The following CNTNAP5 variants were observed in gnomAD, a reference collection of about 807,000 sequenced individuals.
The protein encoded by CNTNAP5 is contactin associated protein family member 5.
A neutral mutation model predicts 150.2 loss-of-function variants in CNTNAP5; 72 were observed. The ratio of observed to expected loss-of-function variants is 0.48; its 90% confidence interval spans 0.40 to 0.58. The LOEUF is 0.58. Among genes scored for constraint, CNTNAP5 ranks in the 20% least tolerant of loss-of-function variants. CNTNAP5 has a pLI of 0.00. For synonymous variants in CNTNAP5, 672 were observed against 619.8 expected (o/e 1.08, Z -1.25); for missense variants, 1,636 against 1,626.2 (o/e 1.01, Z -0.10).
intron 3 of CNTNAP5, among the ~76,000 whole-genome samples, chr2:124,267,479 T>C (rs1259348619): frequency 6.6e-6 from 1 of 152,134 alleles, no homozygotes; most frequent in Non-Finnish European, 1.5e-5. Flanking sequence ...CTTTGGGATA[T>C]TGCACGTCTC....
intron 3 of CNTNAP5, among the ~76,000 whole-genome samples, chr2:124,336,255 C>T (rs1200984823): frequency 6.6e-6 from 1 of 152,144 alleles, no homozygotes; most frequent in Non-Finnish European, 1.5e-5. Flanking sequence ...AGTCTTCCCT[C>T]CCTAAAGGGG....
At chr2:124,826,491 C>T (rs559550898) in intron 19 of CNTNAP5, among the ~76,000 whole-genome samples, 2 of 152,272 alleles carry the variant, frequency 1.3e-5, no homozygotes, top group East Asian at 3.9e-4. Flanking sequence ...CCCCTGATCA[C>T]TTTATTCTGG....
intron 17 of CNTNAP5, among the ~76,000 whole-genome samples, chr2:124,787,629 C>G (rs979954230): frequency 2.0e-5 from 3 of 152,164 alleles, no homozygotes; most frequent in African/African-American, 7.2e-5. Context: ...CTTCTCTCCC[C>G]ACTCTCCCCT....
chr2:124,714,230 TC>T (rs1679899291), intron 13 of CNTNAP5, among the ~76,000 whole-genome samples: 1 of 152,018 alleles, frequency 6.6e-6, no homozygotes, highest in Non-Finnish European at 1.5e-5. Context: ...TTTTTTCACC[TC>T]TATCTGCTCA....
chr2:124,917,883 A>C lies in CNTNAP5; in HGVS notation c.*3595A>C, dbSNP rs969308137. On this transcript the variant is annotated 3_prime_UTR_variant, in exon 24 of 24. Transcript: ENST00000682447. The stretch of plus-strand genomic sequence containing the variant: ...AGGTCCCGCACAATTATTTTTGTGA[A>C]GCATCTGCCAGACTGAAAGAAATGT... Among the ~76,000 whole-genome samples, 6 of 152,096 alleles carry C rather than the reference A, an allele frequency of 3.9e-5. No individual in the cohort carries two copies. Among genetic ancestry groups the C allele is most frequent in the Admixed American group, 2.0e-4 (3 of 15,242 alleles).
At position 124,177,784 on chromosome 2, in the gene CNTNAP5, C is replaced by CTGCT. The variant is rs567180821; in HGVS notation, c.83-43919_83-43916dup. 2.4e-4 allele frequency among the ~76,000 whole-genome samples: 37 copies of CTGCT among 151,964 alleles called. No homozygotes were observed. In the East Asian group the frequency reaches 7.0e-3, roughly 29 times the overall value. Reference sequence around the variant, plus strand: ...ACAGAGATAGTTTTAACAGCTCTTCCTGCTTTCTATATCAGGTTTTTGTTT... The same window carrying CTGCT: ...ACAGAGATAGTTTTAACAGCTCTTCCTGCTTGCTTTCTATATCAGGTTTTTGTTT... On this transcript the variant is annotated intron_variant, in intron 1 of 23. Transcript: ENST00000682447.
At chr2:124,710,465 C>A (rs1050687616) in intron 13 of CNTNAP5, among the ~76,000 whole-genome samples, 3 of 152,016 alleles carry the variant, frequency 2.0e-5, no homozygotes, top group Non-Finnish European at 4.4e-5. Flanking sequence ...AATTTGGATC[C>A]TAGAGCCTAG....
chr2:124,480,697 T>C (rs1029747730), intron 7 of CNTNAP5, among the ~76,000 whole-genome samples: 1 of 152,212 alleles, frequency 6.6e-6, no homozygotes. Flanking sequence ...TGATAAATGA[T>C]ACTTTCTCTT....
At chr2:124,786,415 G>GA (rs1217853562) in intron 17 of CNTNAP5, among the ~76,000 whole-genome samples, 15 of 99,176 alleles carry the variant, frequency 1.5e-4, no homozygotes, top group African/African-American at 7.4e-4. Context: ...AGGAAGGAAG[G>GA]AAGGAAGGAA....
intron 19 of CNTNAP5, among the ~76,000 whole-genome samples, chr2:124,811,028 T>C (rs1410430419): frequency 6.8e-6 from 1 of 147,424 alleles, no homozygotes; most frequent in African/African-American, 2.5e-5. Flanking sequence ...AGGAGGATCC[T>C]AGAAAAGTCT....
At chr2:124,680,167 T>A (rs1413091578) in intron 13 of CNTNAP5, among the ~76,000 whole-genome samples, 2 of 151,882 alleles carry the variant, frequency 1.3e-5, no homozygotes, top group Non-Finnish European at 2.9e-5. Context: ...TCAACCAGAT[T>A]CCTCTTTATC....
intron 6 of CNTNAP5, among the ~76,000 whole-genome samples, chr2:124,449,964 G>C (rs1692924863): frequency 6.6e-6 from 1 of 152,076 alleles, no homozygotes; most frequent in African/African-American, 2.4e-5. Context: ...GTAAACCTGG[G>C]AAATAAAAAG....
intron 13 of CNTNAP5, among the ~76,000 whole-genome samples, chr2:124,706,875 G>GAA (rs1277919508): frequency 3.8e-4 from 2 of 5,228 alleles, no homozygotes; most frequent in African/African-American, 1.8e-3. Context: ...AAGGGGAAAG[G>GAA]GAAGAAGAAG....
chr2:124,657,952 C>T (rs1365735423), intron 13 of CNTNAP5, among the ~76,000 whole-genome samples: 1 of 152,200 alleles, frequency 6.6e-6, no homozygotes, highest in East Asian at 1.9e-4. Context: ...ATACCTTCTT[C>T]TTGCTTATTT....
intron 11 of CNTNAP5, among the ~76,000 whole-genome samples, chr2:124,591,886 C>A (rs1336608412): frequency 6.6e-6 from 1 of 152,114 alleles, no homozygotes; most frequent in African/African-American, 2.4e-5. Context: ...ATTCTCTATA[C>A]ATAACCTTTA....
intron 13 of CNTNAP5, among the ~76,000 whole-genome samples, chr2:124,729,929 T>C (rs1229437778): frequency 6.6e-6 from 1 of 152,136 alleles, no homozygotes; most frequent in Non-Finnish European, 1.5e-5. Flanking sequence ...TTCTGTCAGC[T>C]GAAAGGCCCT....
intron 7 of CNTNAP5, among the ~76,000 whole-genome samples, chr2:124,494,880 CA>C (rs1694111878): frequency 1.3e-5 from 2 of 152,164 alleles, no homozygotes; most frequent in South Asian, 4.1e-4. Context: ...AATAAATTCA[CA>C]TACAGAAAAC....
At chr2:124,234,749 A>G (rs1272045820) in intron 2 of CNTNAP5, among the ~76,000 whole-genome samples, 1 of 152,160 alleles carries the variant, frequency 6.6e-6, no homozygotes, top group Non-Finnish European at 1.5e-5. Context: ...CTGCTCCATC[A>G]GGGCCTTGAT....
intron 20 of CNTNAP5, among the ~76,000 whole-genome samples, chr2:124,867,765 G>A (rs1165082587): frequency 6.6e-6 from 1 of 152,180 alleles, no homozygotes; most frequent in Non-Finnish European, 1.5e-5. Flanking sequence ...TGTACATGCT[G>A]ATGAATCAAT....
Sources: allele counts gnomAD v4.1 joint callset (sites outside exome capture counted in the v4.1 genomes callset), GRCh38; gene constraint gnomAD v4.1.1; transcripts MANE v1.5; gene names NCBI Gene and HGNC (gene_info 2026-07-23, HGNC 2026-07-21).